Variants in SLC27A2 observed in about 807,000 individuals in gnomAD.
SLC27A2 encodes solute carrier family 27 member 2, also known as long-chain fatty acid transport protein 2.
In SLC27A2, 54 loss-of-function variants were observed where a neutral mutation model predicts 60.0. The ratio of observed to expected loss-of-function variants is 0.90; its 90% confidence interval spans 0.72 to 1.13. The LOEUF (loss-of-function observed/expected upper bound fraction) is 1.13. Ranked by LOEUF, SLC27A2 falls within the 50% of genes most tolerant of loss-of-function variation. SLC27A2 has a pLI of 0.00. For synonymous variants in SLC27A2, 297 were observed against 297.6 expected, an observed-to-expected ratio of 1.00 and a Z score of 0.02; for missense variants, 739 against 777.6, an observed-to-expected ratio of 0.95 and a Z score of 0.59.
intron 7 of SLC27A2, 49 bp downstream of exon 7, chr15:50,227,227 G>A: frequency 1.4e-6 from 2 of 1,462,202 alleles, no homozygotes; most frequent in South Asian, 1.2e-5. Context: ...CGCACAGTTT[G>A]GCTTACTCCT....
chr15:50,203,827 C>T (rs751992430), intron 3 of SLC27A2, among the ~76,000 whole-genome samples: 1 of 152,036 alleles, frequency 6.6e-6, no homozygotes, highest in Non-Finnish European at 1.5e-5. Context: ...AGGAGACAGC[C>T]AGCTTCTTTC....
Position 50,182,680 on chromosome 15 carries a change from G to C in SLC27A2, c.253G>C (p.Asp85His). The C allele has an allele frequency of 6.2e-7, 1 of 1,613,896 alleles. No homozygotes were observed. The highest frequency in any genetic ancestry group is 8.5e-7 in the Non-Finnish European group (1 of 1,179,908). Residue 85 changes from aspartate (D) to histidine (H), a missense_variant, in exon 1 of 10, where the codon GAC becomes CAC. Transcript: ENST00000267842. ...CGAGACTCTCACCTACGCGCAGGTG[G>C]ACCGGCGCAGCAATCAAGTGGCCCG... ...RDETLTYAQVDRRSNQVARAL... is the reference protein window; with the variant it reads ...RDETLTYAQVHRRSNQVARAL...
At chr15:50,195,321 A>AC (rs1453828516) in intron 1 of SLC27A2, among the ~76,000 whole-genome samples, 9 of 150,410 alleles carry the variant, frequency 6.0e-5, no homozygotes, top group African/African-American at 2.2e-4. Context: ...GAAAAAAAAA[A>AC]AAAAAACAAA....
At chr15:50,207,830 T>C (rs182410521) in intron 4 of SLC27A2, among the ~76,000 whole-genome samples, 5 of 149,646 alleles carry the variant, frequency 3.3e-5, no homozygotes, top group East Asian at 2.0e-4. Context: ...AAAACAATCA[T>C]ATGTCATTAG....
At chr15:50,232,463 T>C (rs1470403387) in intron 8 of SLC27A2, among the ~76,000 whole-genome samples, 1 of 152,192 alleles carries the variant, frequency 6.6e-6, no homozygotes, top group Non-Finnish European at 1.5e-5. Flanking sequence ...GGTGTCATAT[T>C]AGACAGTGCA....
intron 1 of SLC27A2, among the ~76,000 whole-genome samples, chr15:50,190,402 G>A (rs1567426498): frequency 6.6e-6 from 1 of 152,056 alleles, no homozygotes; most frequent in Non-Finnish European, 1.5e-5. Context: ...AAATATTTCT[G>A]GGGTGTTTTG....
intron 1 of SLC27A2, among the ~76,000 whole-genome samples, chr15:50,184,094 G>T (rs1337477346): frequency 6.9e-6 from 1 of 144,808 alleles, no homozygotes; most frequent in Non-Finnish European, 1.5e-5. Context: ...AGGCTCAAGC[G>T]ATCCTCCCAG....
chr15:50,185,550 T>A (rs531704888), intron 1 of SLC27A2, among the ~76,000 whole-genome samples: 1 of 151,484 alleles, frequency 6.6e-6, no homozygotes, highest in African/African-American at 2.4e-5. Context: ...GTTTAATGAA[T>A]GTGTTATACT....
At chr15:50,196,717 C>A (rs1369193175) in intron 1 of SLC27A2, among the ~76,000 whole-genome samples, 1 of 152,196 alleles carries the variant, frequency 6.6e-6, no homozygotes, top group Non-Finnish European at 1.5e-5. Flanking sequence ...TTATGACCCA[C>A]AGGTTGGGAA....
intron 1 of SLC27A2, among the ~76,000 whole-genome samples, chr15:50,189,411 C>A (rs139809677): frequency 4.5e-4 from 68 of 152,156 alleles, no homozygotes; most frequent in African/African-American, 1.5e-3. Flanking sequence ...TGGTGGAGGA[C>A]CCTGTACAAG....
rs879248972 is a variant in SLC27A2 at position 50,227,157 on chromosome 15, A to T, written c.1436A>T (p.Asp479Val). Residue 479 changes from aspartate (D) to valine (V), a missense_variant, in exon 7 of 10, where the codon GAC (aspartate) becomes GTC (valine). Asp to Val is a radical substitution (Grantham distance 152). Coordinates refer to ENST00000267842, the MANE Select transcript of SLC27A2 (RefSeq NM_003645.4). ...VDHENFIYFH[D>V]RVGDTFRWKG... ...CATGAAAATTTCATCTATTTCCACG[A>T]CAGAGTTGGAGATACATTCCGGTTG... 6.2e-7 allele frequency: 1 copy of T among 1,613,846 alleles called. No individual in the cohort carries two copies. The highest frequency in any genetic ancestry group is 1.3e-5 in the African/African-American group (1 of 74,926).
At chr15:50,213,019 T>C (rs1181351679) in intron 4 of SLC27A2, among the ~76,000 whole-genome samples, 2 of 152,198 alleles carry the variant, frequency 1.3e-5, no homozygotes, top group African/African-American at 4.8e-5. Context: ...AACTGCAGAA[T>C]GGATAAGAAC....
intron 1 of SLC27A2, among the ~76,000 whole-genome samples, chr15:50,195,953 C>T (rs1203205576): frequency 6.8e-6 from 1 of 146,422 alleles, no homozygotes; most frequent in Non-Finnish European, 1.5e-5. Flanking sequence ...TACCGGGAGG[C>T]TGAGGCAGGA....
chr15:50,234,578 C>A (rs1434201373), intron 9 of SLC27A2, among the ~76,000 whole-genome samples: 3 of 140,924 alleles, frequency 2.1e-5, no homozygotes, highest in African/African-American at 5.5e-5. Flanking sequence ...TGGAGTGAGA[C>A]TCCATCTCCA....
intron 4 of SLC27A2, among the ~76,000 whole-genome samples, 183 bp from the exon 5 acceptor site, chr15:50,222,782 G>A (rs1453060783): frequency 1.3e-5 from 2 of 152,152 alleles, no homozygotes; most frequent in Non-Finnish European, 2.9e-5. Context: ...GAGGAATAGG[G>A]AACGATGTGT....
chr15:50,216,595 G>GGTGTGAGTGTGTGTGT (rs1555501323), intron 4 of SLC27A2, among the ~76,000 whole-genome samples: 1 of 69,934 alleles, frequency 1.4e-5, no homozygotes, highest in Non-Finnish European at 3.0e-5. Context: ...AAGAAACTGT[G>GGTGTGAGTGTGTGTGT]GTGTGTGTGT....
At chr15:50,226,710 CA>C (rs2140912915) in intron 6 of SLC27A2, among the ~76,000 whole-genome samples, 1 of 152,012 alleles carries the variant, frequency 6.6e-6, no homozygotes, top group African/African-American at 2.4e-5. Flanking sequence ...CCAGCCTGGG[CA>C]ACAGGGCAAG....
In SLC27A2 at chr15:50,226,033, G is replaced by T. The variant is rs759946162; in HGVS notation, c.1213G>T (p.Glu405Ter). ...GATTAAATATGATGTGGAGAAAGAT[G>T]AACCTGTCCGTGATGAAAATGGATA... Reference protein sequence around the residue: ...DLIKYDVEKDEPVRDENGYCV... With the variant: ...DLIKYDVEKD The change falls in exon 6 of 10, where the codon GAA (glutamate) becomes TAA (stop). Residue 405 changes from glutamate to a stop codon, truncating the protein, a stop_gained. Transcript: ENST00000267842. LOFTEE classifies it high-confidence loss of function. 1 of 1,611,930 alleles carries T rather than the reference G, an allele frequency of 6.2e-7. No homozygotes were observed.
chr15:50,210,049 C>T (rs1385407948), intron 4 of SLC27A2, among the ~76,000 whole-genome samples: 1 of 152,186 alleles, frequency 6.6e-6, no homozygotes, highest in African/African-American at 2.4e-5. Flanking sequence ...GCTTTGAATA[C>T]AGCTGAAGGT....
Sources: allele counts gnomAD v4.1 joint callset (sites outside exome capture counted in the v4.1 genomes callset), GRCh38; gene constraint gnomAD v4.1.1; transcripts MANE v1.5; gene names NCBI Gene and HGNC (gene_info 2026-07-23, HGNC 2026-07-21).